Variants in IMMP2L observed in about 807,000 individuals in gnomAD.
The protein encoded by IMMP2L is mitochondrial inner membrane protease subunit 2.
In IMMP2L, 18 loss-of-function variants were observed where a neutral mutation model predicts 19.3. That is an observed-to-expected ratio of 0.93 (90% confidence interval 0.64 to 1.38). IMMP2L has a LOEUF of 1.38. Among genes scored for constraint, IMMP2L ranks in the 40% most tolerant of loss-of-function variants. The pLI is 0.00. For missense variants in IMMP2L, 233 were observed against 218.2 expected (o/e 1.07, Z -0.43); for synonymous variants, 76 against 73.0 (o/e 1.04, Z -0.21).
chr7:111,256,902 T>G (rs770165699), intron 3 of IMMP2L, among the ~76,000 whole-genome samples: 1 of 152,022 alleles, frequency 6.6e-6, no homozygotes, highest in Admixed American at 6.6e-5. Flanking sequence ...CTAAATAACA[T>G]CTGGGTAGAT....
intron 3 of IMMP2L, among the ~76,000 whole-genome samples, chr7:111,349,322 G>A (rs1034527886): frequency 1.3e-5 from 2 of 152,054 alleles, no homozygotes; most frequent in Non-Finnish European, 2.9e-5. Context: ...TAGGCATTGG[G>A]ATGGTAACCA....
intron 3 of IMMP2L, among the ~76,000 whole-genome samples, chr7:111,183,612 ACT>A (rs1291727992): frequency 6.6e-6 from 1 of 151,988 alleles, no homozygotes; most frequent in Non-Finnish European, 1.5e-5. Context: ...GAGAAGCTAC[ACT>A]CTCAGACTTA....
chr7:111,488,479 T>G (rs1424076418), intron 2 of IMMP2L, among the ~76,000 whole-genome samples: 1 of 152,204 alleles, frequency 6.6e-6, no homozygotes, highest in East Asian at 1.9e-4. Context: ...ATTAATAGTC[T>G]CCAATTCCTT....
intron 3 of IMMP2L, among the ~76,000 whole-genome samples, chr7:111,084,302 A>T (rs1315073484): frequency 2.1e-3 from 27 of 12,572 alleles, no homozygotes; most frequent in Non-Finnish European, 9.8e-3. Context: ...AATAAAATTA[A>T]AAAAAAAAAA....
At chr7:111,361,575 C>T (rs976719641) in intron 3 of IMMP2L, among the ~76,000 whole-genome samples, 2 of 151,990 alleles carry the variant, frequency 1.3e-5, no homozygotes, top group African/African-American at 4.8e-5. Context: ...CTTGTTCTAT[C>T]GAAACTCAAC....
Position 110,734,534 on chromosome 7 carries a change from C to A in IMMP2L, c.409-70813G>T, listed in dbSNP as rs1195447379. 5.3e-5 allele frequency among the ~76,000 whole-genome samples: 8 copies of A among 152,020 alleles called. No homozygotes were observed. The East Asian group carries it at 1.5e-3, about 29-fold the overall frequency. ...ATAAATTAAAGATGCAATTTATAAT[C>A]TAAAGGGAAGCAGAACTTAAAGGTT... On this transcript the variant is annotated intron_variant, in intron 5 of 5. Coordinates refer to ENST00000405709, the MANE Select transcript of IMMP2L (RefSeq NM_032549.4).
chr7:111,338,972 A>C (rs1826740593), intron 3 of IMMP2L, among the ~76,000 whole-genome samples: 1 of 152,076 alleles, frequency 6.6e-6, no homozygotes, highest in Admixed American at 6.6e-5. Flanking sequence ...TCTTGATCCC[A>C]GTACACTACA....
chr7:111,192,411 T>TA (rs1461369003), intron 3 of IMMP2L, among the ~76,000 whole-genome samples: 1 of 152,180 alleles, frequency 6.6e-6, no homozygotes, highest in African/African-American at 2.4e-5. Flanking sequence ...CCTGCTATTC[T>TA]AAAGCCCCAA....
intron 3 of IMMP2L, among the ~76,000 whole-genome samples, chr7:111,362,035 T>C (rs1370714987): frequency 2.6e-5 from 4 of 152,202 alleles, no homozygotes; most frequent in Middle Eastern, 6.8e-3. Flanking sequence ...ATTTCTAGCA[T>C]GTTACAAATA....
chr7:111,187,085 TAAATA>T (rs1450220633), intron 3 of IMMP2L, among the ~76,000 whole-genome samples: 1 of 152,074 alleles, frequency 6.6e-6, no homozygotes, highest in East Asian at 1.9e-4. Context: ...TGCAAACGTA[TAAATA>T]AAATCAAAGT....
intron 3 of IMMP2L, among the ~76,000 whole-genome samples, chr7:110,974,850 A>C (rs1429691967): frequency 2.0e-5 from 3 of 152,136 alleles, no homozygotes; most frequent in Non-Finnish European, 4.4e-5. Context: ...TTGGCCCTCT[A>C]TTTTAAACAC....
At chr7:110,820,800 T>G (rs1469650478) in intron 5 of IMMP2L, among the ~76,000 whole-genome samples, 1 of 152,096 alleles carries the variant, frequency 6.6e-6, no homozygotes, top group Non-Finnish European at 1.5e-5. Context: ...TACACCGAAC[T>G]AAGAAGTGTT....
At chr7:111,013,175 T>C (rs1178671179) in intron 3 of IMMP2L, among the ~76,000 whole-genome samples, 1 of 152,036 alleles carries the variant, frequency 6.6e-6, no homozygotes, top group Admixed American at 6.6e-5. Flanking sequence ...GTGGTAAACA[T>C]GTGTGAGACT....
At chr7:110,864,094 A>G (rs1807735902) in intron 5 of IMMP2L, among the ~76,000 whole-genome samples, 2 of 152,154 alleles carry the variant, frequency 1.3e-5, no homozygotes, top group African/African-American at 4.8e-5. Flanking sequence ...TAATATAGCT[A>G]ATTGTATTAG....
chr7:111,407,897 C>T (rs1393438669), intron 3 of IMMP2L, among the ~76,000 whole-genome samples: 2 of 151,968 alleles, frequency 1.3e-5, no homozygotes, highest in Non-Finnish European at 2.9e-5. Flanking sequence ...AACTACTACT[C>T]ACTGAAAATT....
At chr7:111,339,909 T>C (rs1826841192) in intron 3 of IMMP2L, among the ~76,000 whole-genome samples, 1 of 151,966 alleles carries the variant, frequency 6.6e-6, no homozygotes, top group Non-Finnish European at 1.5e-5. Context: ...CCAAAACACA[T>C]GGTTTAAGAA....
At chr7:111,124,317 A>G (rs1216619259) in intron 3 of IMMP2L, 4 of 1,613,806 alleles carry the variant, frequency 2.5e-6, no homozygotes, top group Non-Finnish European at 3.4e-6. Flanking sequence ...AAGTGGATGG[A>G]TCTTTTCCAC....
intron 3 of IMMP2L, among the ~76,000 whole-genome samples, chr7:111,278,204 C>T (rs37745): frequency 0.084 from 12,831 of 152,234 alleles, 617 homozygotes; most frequent in African/African-American, 0.11. Context: ...AAAACTTGCA[C>T]TTGTATCCCC....
intron 3 of IMMP2L, among the ~76,000 whole-genome samples, chr7:111,137,710 G>A (rs972694667): frequency 6.6e-6 from 1 of 152,110 alleles, no homozygotes; most frequent in African/African-American, 2.4e-5. Context: ...CTCTAACAAA[G>A]GAGAACAGAA....
Sources: gnomAD v4.1 joint callset for allele counts (sites outside exome capture counted in the v4.1 genomes callset) on GRCh38, gnomAD v4.1.1 for gene constraint, MANE v1.5 for transcripts, NCBI Gene and HGNC (gene_info 2026-07-23, HGNC 2026-07-21) for gene names.